LAMA2: variants seen among roughly 807,000 people sequenced by gnomAD.
LAMA2 encodes laminin subunit alpha-2.
A neutral mutation model predicts 364.8 loss-of-function variants in LAMA2; 269 were observed. The observed-to-expected ratio is 0.74, with a 90% confidence interval of 0.67 to 0.82. The LOEUF is 0.82. Among genes scored for constraint, LAMA2 ranks in the 40% least tolerant of loss-of-function variants. The pLI is 0.00. For synonymous variants in LAMA2, 1,379 were observed against 1,370.6 expected (o/e 1.01, Z -0.14); for missense variants, 3,807 against 3,873.2 (o/e 0.98, Z 0.45).
chr6:129,240,014 G>A (rs1388955159), intron 12 of LAMA2, among the ~76,000 whole-genome samples: 1 of 152,204 alleles, frequency 6.6e-6, no homozygotes, highest in African/African-American at 2.4e-5. Context: ...GGAAGCCAGC[G>A]GTGCAGCCTT....
At chr6:129,329,127 G>A (rs1316376727) in intron 29 of LAMA2, among the ~76,000 whole-genome samples, 1 of 152,086 alleles carries the variant, frequency 6.6e-6, no homozygotes, top group African/African-American at 2.4e-5. Flanking sequence ...GTCACCACTT[G>A]TCCCTCAAGC....
At chr6:129,443,451 A>T (rs1320875641) in intron 44 of LAMA2, among the ~76,000 whole-genome samples, 1 of 152,162 alleles carries the variant, frequency 6.6e-6, no homozygotes, top group Non-Finnish European at 1.5e-5. Context: ...TATCTGTATG[A>T]TAGCCACATA....
chr6:129,184,365 C>G (rs374511684), intron 10 of LAMA2, among the ~76,000 whole-genome samples: 7 of 151,894 alleles, frequency 4.6e-5, no homozygotes, highest in African/African-American at 1.7e-4. Context: ...TCTTGCAACC[C>G]CTACAGTTCA....
At chr6:129,384,076 G>A (rs1164238123) in intron 35 of LAMA2, among the ~76,000 whole-genome samples, 2 of 152,250 alleles carry the variant, frequency 1.3e-5, no homozygotes, top group South Asian at 2.1e-4. Flanking sequence ...GGCATCACTG[G>A]CCAAGAAGAG....
intron 52 of LAMA2, 41 bp from the exon 53 acceptor site, chr6:129,475,348 GT>G (rs771805734): frequency 8.7e-7 from 1 of 1,142,972 alleles, no homozygotes. Context: ...TAAGTAAATT[GT>G]TTTTATTTTT....
intron 61 of LAMA2, among the ~76,000 whole-genome samples, chr6:129,506,797 A>G (rs963325535): frequency 6.6e-6 from 1 of 152,198 alleles, no homozygotes; most frequent in African/African-American, 2.4e-5. Context: ...GTGGATGATC[A>G]GTATTACTTT....
At position 129,037,531 on chromosome 6, in the gene LAMA2, C is replaced by T. The variant is rs149838368; in HGVS notation, c.113-12387C>T. Among the ~76,000 whole-genome samples the T allele has an allele frequency of 6.0e-3, 906 of 152,050 alleles. 7 individuals are homozygous for T. Among genetic ancestry groups the T allele is most frequent in the Non-Finnish European group, 8.6e-3 (582 of 67,986 alleles). ...TGACTATAAATGTTGAGACATTTTTCGAGAAATACATACACATGTGTGTGT... is the reference window on the plus strand; with the variant it reads ...TGACTATAAATGTTGAGACATTTTTTGAGAAATACATACACATGTGTGTGT... On this transcript the variant is annotated intron_variant, in intron 1 of 64. Coordinates refer to ENST00000421865, the MANE Select transcript of LAMA2 (RefSeq NM_000426.4).
At position 129,512,493 on chromosome 6, in the gene LAMA2, GGTGA is replaced by G. The variant is rs1786674543; in HGVS notation, c.8988+4_8988+7del. The G allele has an allele frequency of 1.9e-6, 3 of 1,613,410 alleles. No homozygotes were observed. Among genetic ancestry groups the G allele is most frequent in the East Asian group, 2.2e-5 (1 of 44,844 alleles). ...TGGGTATTGAAATGATTGATGAAAA[GGTGA>G]GTGTCAGCAATGCAAACATTTCTGA... On this transcript the variant is annotated splice_donor_variant and splice_donor_region_variant and intron_variant, in intron 63 of 64. Transcript: ENST00000421865. LOFTEE classifies it high-confidence loss of function.
intron 58 of LAMA2, among the ~76,000 whole-genome samples, chr6:129,500,352 C>T (rs1485254342): frequency 6.6e-6 from 1 of 152,130 alleles, no homozygotes; most frequent in Admixed American, 6.5e-5. Flanking sequence ...CTTGGATGTC[C>T]TTAAAAACAA....
At chr6:129,323,707 G>T (rs1462781333) in intron 28 of LAMA2, among the ~76,000 whole-genome samples, 1 of 152,148 alleles carries the variant, frequency 6.6e-6, no homozygotes, top group Admixed American at 6.5e-5. Context: ...AAGGTTATAT[G>T]CAGGTACCAT....
chr6:129,235,176 A>C (rs187253377), intron 12 of LAMA2, among the ~76,000 whole-genome samples: 3 of 152,220 alleles, frequency 2.0e-5, no homozygotes, highest in African/African-American at 7.2e-5. Flanking sequence ...CTTAGAACCA[A>C]CTGAACTGGT....
At chr6:129,483,005 T>C (rs1784420037) in intron 55 of LAMA2, among the ~76,000 whole-genome samples, 1 of 149,980 alleles carries the variant, frequency 6.7e-6, no homozygotes, top group Non-Finnish European at 1.5e-5. Flanking sequence ...AGGCCGAGGT[T>C]GCAGTGAGCC....
intron 40 of LAMA2, among the ~76,000 whole-genome samples, chr6:129,419,325 T>C (rs1208581522): frequency 1.3e-5 from 2 of 152,146 alleles, no homozygotes; most frequent in Non-Finnish European, 2.9e-5. Context: ...TTTCTACCCG[T>C]AGGTAGAATA....
intron 3 of LAMA2, among the ~76,000 whole-genome samples, chr6:129,061,519 T>G (rs1427835606): frequency 1.3e-5 from 2 of 152,212 alleles, no homozygotes. Flanking sequence ...ATTTCTAACT[T>G]GCCTGTTTTT....
At chr6:129,161,235 G>A (rs752765024) in intron 8 of LAMA2, among the ~76,000 whole-genome samples, 3 of 151,844 alleles carry the variant, frequency 2.0e-5, no homozygotes, top group Non-Finnish European at 4.4e-5. Flanking sequence ...ACTCTGTATG[G>A]TATGTTTTTT....
intron 1 of LAMA2, among the ~76,000 whole-genome samples, chr6:128,944,413 C>G (rs923192763): frequency 3.9e-5 from 6 of 152,126 alleles, no homozygotes; most frequent in Non-Finnish European, 8.8e-5. Flanking sequence ...AGGTGCCAGA[C>G]TTCAGAGGGA....
intron 11 of LAMA2, 135 bp from the exon 12 acceptor site, chr6:129,192,545 T>A (rs1781582203): frequency 1.3e-6 from 1 of 747,274 alleles, no homozygotes; most frequent in African/African-American, 1.8e-5. Flanking sequence ...AATGCTCAGG[T>A]TTTTTTCTAA....
intron 48 of LAMA2, among the ~76,000 whole-genome samples, 162 bp downstream of exon 48, chr6:129,456,656 T>C (rs1782979454): frequency 6.6e-6 from 1 of 152,204 alleles, no homozygotes; most frequent in Non-Finnish European, 1.5e-5. Flanking sequence ...ATTTTCTTCT[T>C]TGACGATTCA....
At chr6:129,126,538 TG>T (rs112788178) in intron 4 of LAMA2, among the ~76,000 whole-genome samples, 5,848 of 152,230 alleles carry the variant, frequency 0.038, 381 homozygotes, top group African/African-American at 0.13. Flanking sequence ...ACAATTCTAC[TG>T]GTAAGACTTT....
Sources: allele counts gnomAD v4.1 joint callset (sites outside exome capture counted in the v4.1 genomes callset), GRCh38; gene constraint gnomAD v4.1.1; transcripts MANE v1.5; gene names NCBI Gene and HGNC (gene_info 2026-07-23, HGNC 2026-07-21).